The following NRG2 variants were observed in gnomAD, a reference collection of about 807,000 sequenced individuals.
The protein encoded by NRG2 is pro-neuregulin-2, membrane-bound isoform.
A neutral mutation model predicts 73.9 loss-of-function variants in NRG2; 27 were observed. The observed-to-expected ratio is 0.37, with a 90% CI of 0.27 to 0.50. The LOEUF (loss-of-function observed/expected upper bound fraction) is 0.50. Among genes scored for constraint, NRG2 ranks in the 20% least tolerant of loss-of-function variants. NRG2 has a pLI of 0.96. For synonymous variants in NRG2, 532 were observed against 541.0 expected (o/e 0.98, Z 0.23); for missense variants, 1,126 against 1,210.1 (o/e 0.93, Z 1.03).
chr5:139,907,438 A>C (rs1467763871), intron 1 of NRG2, among the ~76,000 whole-genome samples: 2 of 152,152 alleles, frequency 1.3e-5, no homozygotes, highest in Non-Finnish European at 2.9e-5. Flanking sequence ...TTGTGACCCC[A>C]GTTTCTGGTA....
At chr5:139,873,820 A>T (rs1232987846) in intron 3 of NRG2, among the ~76,000 whole-genome samples, 4 of 152,224 alleles carry the variant, frequency 2.6e-5, no homozygotes, top group Non-Finnish European at 5.9e-5. Context: ...ACAGTTGCAC[A>T]CTTGGGCTTC....
intron 5 of NRG2, 68 bp from the exon 6 acceptor site, chr5:139,855,846 AC>A (rs577374791): frequency 2.0e-5 from 26 of 1,270,150 alleles, no homozygotes; most frequent in African/African-American, 4.4e-5. Flanking sequence ...TGGTGCAGAG[AC>A]CCCTTTGCCC....
At chr5:139,956,472 G>C (rs1754635276) in intron 1 of NRG2, among the ~76,000 whole-genome samples, 1 of 152,148 alleles carries the variant, frequency 6.6e-6, no homozygotes. Flanking sequence ...TAAGGTCCTT[G>C]AGGGAAGGAT....
Position 140,042,792 on chromosome 5 carries a change from A to T in NRG2, c.278T>A (p.Met93Lys). ...GAAGCCGGGGGCCGGGTCGCGCCTCATGCCGCCGGCGGCTGCGGCTCGCGA... is the reference window on the plus strand; with the variant it reads ...GAAGCCGGGGGCCGGGTCGCGCCTCTTGCCGCCGGCGGCTGCGGCTCGCGA... ...ARSRAAAAGG[M>K]RRDPAPGFSM... Residue 93 changes from methionine to lysine, a missense_variant, in exon 1 of 10, where the codon ATG becomes AAG. Met to Lys is a moderately conservative substitution (Grantham distance 95, BLOSUM62 -1). Around this residue, in one of 3 missense-constraint regions of NRG2, gnomAD observed 185 missense variants for 149.0 expected, o/e 1.24. Transcript: ENST00000361474. 1 of 1,513,398 alleles carries T rather than the reference A, an allele frequency of 6.6e-7. No individual in the cohort carries two copies. Among genetic ancestry groups the T allele is most frequent in the Non-Finnish European group, 8.8e-7 (1 of 1,132,446 alleles). The allele number at this position is 1,513,398 out of a possible 1,614,324, so 93.7% of individuals were successfully genotyped here. A position where few individuals can be genotyped will look rare whatever the true frequency, so the allele number is the denominator to read the frequency against.
chr5:139,922,427 C>T (rs774780802), intron 1 of NRG2, among the ~76,000 whole-genome samples: 5 of 152,114 alleles, frequency 3.3e-5, no homozygotes, highest in South Asian at 2.1e-4. Flanking sequence ...TAGAATGCCC[C>T]GAATCCAAAA....
intron 1 of NRG2, among the ~76,000 whole-genome samples, chr5:139,940,718 A>G (rs1419455098): frequency 6.6e-6 from 1 of 152,236 alleles, no homozygotes; most frequent in Non-Finnish European, 1.5e-5. Flanking sequence ...ATATCTCTAG[A>G]AGGATACCCA....
chr5:139,941,907 C>T (rs893109138), intron 1 of NRG2, among the ~76,000 whole-genome samples: 1 of 152,090 alleles, frequency 6.6e-6, no homozygotes, highest in Admixed American at 6.5e-5. Flanking sequence ...ATTCAAACAA[C>T]ATTAGTTATA....
intron 1 of NRG2, among the ~76,000 whole-genome samples, chr5:139,923,776 A>C (rs1280729724): frequency 6.6e-6 from 1 of 152,108 alleles, no homozygotes; most frequent in Non-Finnish European, 1.5e-5. Flanking sequence ...AGAAAATCCC[A>C]AGGGCTGATG....
chr5:139,948,628 G>A (rs950659494), intron 1 of NRG2, among the ~76,000 whole-genome samples: 1 of 152,208 alleles, frequency 6.6e-6, no homozygotes, highest in Admixed American at 6.5e-5. Context: ...AATACCAGGA[G>A]GTCTGGACTT....
intron 1 of NRG2, among the ~76,000 whole-genome samples, chr5:139,914,086 G>A (rs1482039753): frequency 2.0e-5 from 3 of 152,284 alleles, no homozygotes; most frequent in Admixed American, 2.0e-4. Context: ...AGCCCAGGAG[G>A]TTGAGGCTGC....
rs902931801 is a variant in NRG2 at position 139,954,886 on chromosome 5, T to G, written c.701-67375A>C. Among the ~76,000 whole-genome samples, 7 of 151,334 alleles carry G rather than the reference T, an allele frequency of 4.6e-5. No individual in the cohort carries two copies. Among genetic ancestry groups the G allele is most frequent in the African/African-American group, 7.4e-5 (3 of 40,654 alleles). On this transcript the variant is annotated intron_variant, in intron 1 of 9. Transcript: ENST00000361474. The surrounding 1 kb of genome is among the most constrained non-coding windows in gnomAD (Gnocchi z 5.0). ...ACACAGTAAACATTAGCTATTGGTG[T>G]TGTTATTATTGTTCTATTCATGATC...
intron 1 of NRG2, among the ~76,000 whole-genome samples, chr5:139,903,865 G>A (rs1265310369): frequency 6.6e-6 from 1 of 152,220 alleles, no homozygotes; most frequent in Non-Finnish European, 1.5e-5. Context: ...TGTGGCACAT[G>A]GGTAGGGGCA....
At chr5:139,881,517 T>C (rs781291048) in intron 2 of NRG2, among the ~76,000 whole-genome samples, 3 of 152,212 alleles carry the variant, frequency 2.0e-5, no homozygotes, top group Non-Finnish European at 2.9e-5. Flanking sequence ...CTCTGTGGCT[T>C]CTCCAAGGGG....
intron 1 of NRG2, among the ~76,000 whole-genome samples, chr5:139,922,978 C>A (rs1346920660): frequency 2.6e-5 from 4 of 152,052 alleles, no homozygotes; most frequent in Admixed American, 6.6e-5. Flanking sequence ...TGAAGCACAG[C>A]GGATTTTTAG....
intron 1 of NRG2, among the ~76,000 whole-genome samples, chr5:140,041,908 C>T (rs1286361896): frequency 6.6e-6 from 1 of 152,008 alleles, no homozygotes; most frequent in Admixed American, 6.5e-5. Flanking sequence ...TAAGCGGAGG[C>T]CTTCACAGCC....
intron 1 of NRG2, among the ~76,000 whole-genome samples, chr5:140,004,078 G>A (rs183170729): frequency 6.6e-6 from 1 of 152,298 alleles, no homozygotes; most frequent in African/African-American, 2.4e-5. Flanking sequence ...TGGGTGAGGA[G>A]TGTACAGGAA....
intron 1 of NRG2, among the ~76,000 whole-genome samples, chr5:139,890,093 C>T (rs927874336): frequency 6.6e-5 from 10 of 152,056 alleles, no homozygotes; most frequent in African/African-American, 2.4e-4. Flanking sequence ...TTTGCGCTCC[C>T]CCCAGTGAAT....
chr5:139,883,207 GCC>G (rs1052344317), intron 2 of NRG2, among the ~76,000 whole-genome samples: 10 of 152,132 alleles, frequency 6.6e-5, no homozygotes, highest in Admixed American at 3.9e-4. Flanking sequence ...ACCCAAGTTT[GCC>G]CTGAGATGGT....
intron 1 of NRG2, among the ~76,000 whole-genome samples, chr5:139,995,941 A>G (rs956306059): frequency 7.9e-5 from 12 of 152,238 alleles, no homozygotes; most frequent in Admixed American, 3.9e-4. Context: ...GCTTGAGCCG[A>G]GAAATTTGAG....
Sources: allele counts gnomAD v4.1 joint callset (sites outside exome capture counted in the v4.1 genomes callset), GRCh38; gene constraint gnomAD v4.1.1; regional missense constraint gnomAD v4.1.1; non-coding constraint Gnocchi (gnomAD v3.1); transcripts MANE v1.5; gene names NCBI Gene and HGNC (gene_info 2026-07-23, HGNC 2026-07-21).